The following IL1RAPL1 variants were observed in gnomAD, a reference collection of about 807,000 sequenced individuals.
The protein encoded by IL1RAPL1 is interleukin-1 receptor accessory protein-like 1.
IL1RAPL1 carries 3 observed loss-of-function variants against 48.4 expected under a neutral mutation model. That is an observed-to-expected ratio of 0.06 (90% confidence interval 0.03 to 0.16). The LOEUF is 0.16. Among genes scored for constraint, IL1RAPL1 ranks in the 10% least tolerant of loss-of-function variants. The pLI, the probability that IL1RAPL1 is intolerant of heterozygous loss-of-function variation, is 1.00. For missense variants in IL1RAPL1, 349 were observed against 530.6 expected (o/e 0.66, Z 3.36); for synonymous variants, 185 against 187.7 (o/e 0.99, Z 0.12).
At chrX:29,624,310 T>C (rs147046841) in intron 5 of IL1RAPL1, among the ~76,000 whole-genome samples, 2,433 of 111,880 alleles carry the variant, frequency 0.022, 64 homozygotes, top group African/African-American at 0.075. Flanking sequence ...AGGATTTCTT[T>C]CCTTATATGA....
chrX:29,238,243 C>T lies in IL1RAPL1; in HGVS notation c.83-44695C>T, dbSNP rs1414513224. Among the ~76,000 whole-genome samples, 3 of 111,754 alleles carry T rather than the reference C, an allele frequency of 2.7e-5. No individual in the cohort carries two copies. The East Asian group carries it at 8.4e-4, about 31-fold the overall frequency. ...TTCTTTCCTCTCTGTTAAGTGTTTCCTCATATGTGGGAGAAGGTAGATTAT... is the reference window on the plus strand; with the variant it reads ...TTCTTTCCTCTCTGTTAAGTGTTTCTTCATATGTGGGAGAAGGTAGATTAT... On this transcript the variant is annotated intron_variant, in intron 2 of 10. Coordinates refer to ENST00000378993, the MANE Select transcript of IL1RAPL1 (RefSeq NM_014271.4).
At chrX:28,919,411 C>G (rs1923564305) in intron 2 of IL1RAPL1, among the ~76,000 whole-genome samples, 1 of 109,973 alleles carries the variant, frequency 9.1e-6, no homozygotes, top group Admixed American at 9.7e-5. Context: ...AACATCATCT[C>G]CTCAAAAAGA....
Position 29,398,871 on chromosome X carries a change from T to C in IL1RAPL1, c.550-284T>C, listed in dbSNP as rs983276410. On this transcript the variant is annotated intron_variant, in intron 4 of 10. Coordinates refer to ENST00000378993, the MANE Select transcript of IL1RAPL1 (RefSeq NM_014271.4). ...AATCAGTACATATCTGGTTTAGATA[T>C]ACTAATCTTAGAAGTTAATTGACTT... is the stretch of plus-strand genomic sequence containing the variant. Among the ~76,000 whole-genome samples the C allele has an allele frequency of 3.6e-5, 4 of 112,085 alleles. No individual in the cohort carries two copies. In the Admixed American group the frequency reaches 3.8e-4, roughly 11 times the overall value.
intron 6 of IL1RAPL1, among the ~76,000 whole-genome samples, chrX:29,732,060 TA>T (rs765384603): frequency 3.6e-4 from 40 of 112,148 alleles, no homozygotes; most frequent in Non-Finnish European, 6.0e-4. Flanking sequence ...TTTATTTTTC[TA>T]AATTTGAGTA....
intron 2 of IL1RAPL1, among the ~76,000 whole-genome samples, chrX:28,877,932 ATC>A (rs973543572): frequency 3.6e-5 from 4 of 112,449 alleles, no homozygotes; most frequent in African/African-American, 9.7e-5. Context: ...ATGCTTATTC[ATC>A]TCTCTGTTTG....
At chrX:28,739,977 CT>C (rs111836261) in intron 1 of IL1RAPL1, among the ~76,000 whole-genome samples, 8,495 of 106,662 alleles carry the variant, frequency 0.08, 844 homozygotes, top group African/African-American at 0.27. Flanking sequence ...GGGACAGTGT[CT>C]TTTTTTTTTA....
chrX:29,121,377 C>T (rs1469876479), intron 2 of IL1RAPL1, among the ~76,000 whole-genome samples: 1 of 112,318 alleles, frequency 8.9e-6, no homozygotes, highest in East Asian at 2.8e-4. Flanking sequence ...ATATTTTTCA[C>T]TTATTGATGT....
chrX:29,355,434 A>G (rs757033753), intron 3 of IL1RAPL1, among the ~76,000 whole-genome samples: 29 of 112,118 alleles, frequency 2.6e-4, no homozygotes, highest in Non-Finnish European at 4.7e-4. Context: ...GCTTTATCAG[A>G]TATATTTTTC....
At chrX:29,711,102 T>A (rs1403593354) in intron 6 of IL1RAPL1, among the ~76,000 whole-genome samples, 1 of 39,154 alleles carries the variant, frequency 2.6e-5, no homozygotes, top group Non-Finnish European at 5.1e-5. Flanking sequence ...ATATATATTT[T>A]CCCATTATTT....
intron 2 of IL1RAPL1, among the ~76,000 whole-genome samples, chrX:29,001,829 G>A (rs998012429): frequency 5.5e-5 from 6 of 109,732 alleles, no homozygotes; most frequent in Non-Finnish European, 9.5e-5. Context: ...TTACCAAACT[G>A]AAGCAATTTA....
At position 29,562,157 on chromosome X, in the gene IL1RAPL1, T is replaced by G. The variant is rs189221986; in HGVS notation, c.704-106273T>G. On this transcript the variant is annotated intron_variant, in intron 5 of 10. Coordinates refer to ENST00000378993, the MANE Select transcript of IL1RAPL1 (RefSeq NM_014271.4). Reference sequence around the variant, plus strand: ...ATCTATCTATCTATCTATCTATCTATCTATCTATCTATCTATCTATCTAGT... The same window carrying G: ...ATCTATCTATCTATCTATCTATCTAGCTATCTATCTATCTATCTATCTAGT... Among the ~76,000 whole-genome samples, 888 of 100,095 alleles carry G rather than the reference T, an allele frequency of 8.9e-3. 9 individuals are homozygous for G. The highest frequency in any genetic ancestry group is 0.035 in the African/African-American group (840 of 23,911). 86.9% of individuals were successfully genotyped at this position (100,095 alleles called of 115,157 possible). A position where few individuals can be genotyped will look rare whatever the true frequency, so the allele number is the denominator to read the frequency against.
intron 5 of IL1RAPL1, among the ~76,000 whole-genome samples, chrX:29,623,451 T>C (rs757372084): frequency 8.9e-5 from 10 of 111,794 alleles, no homozygotes; most frequent in Non-Finnish European, 1.5e-4. Flanking sequence ...CATTCACACT[T>C]AGTATCCTAT....
At chrX:29,462,624 A>G (rs1373997026) in intron 5 of IL1RAPL1, among the ~76,000 whole-genome samples, 2 of 111,460 alleles carry the variant, frequency 1.8e-5, no homozygotes, top group African/African-American at 6.5e-5. Flanking sequence ...TTTGGTTGAC[A>G]GTTCCAGGCC....
chrX:28,610,668 C>G (rs1439502913), intron 1 of IL1RAPL1, among the ~76,000 whole-genome samples: 1 of 111,131 alleles, frequency 9.0e-6, no homozygotes, highest in Non-Finnish European at 1.9e-5. Context: ...AGTTCTGTAC[C>G]CTTGTTGCAT....
At chrX:29,030,112 A>G (rs1252474062) in intron 2 of IL1RAPL1, among the ~76,000 whole-genome samples, 2 of 108,995 alleles carry the variant, frequency 1.8e-5, no homozygotes, top group Admixed American at 9.8e-5. Flanking sequence ...CTATTTGTCT[A>G]TTTTTTTTCA....
intron 2 of IL1RAPL1, among the ~76,000 whole-genome samples, chrX:28,904,526 T>A (rs1282804528): frequency 2.7e-5 from 3 of 112,077 alleles, no homozygotes; most frequent in Non-Finnish European, 5.6e-5. Flanking sequence ...TAGAAAGGAG[T>A]GATAATTTAA....
At chrX:29,016,189 A>T (rs1367328920) in intron 2 of IL1RAPL1, among the ~76,000 whole-genome samples, 2 of 111,875 alleles carry the variant, frequency 1.8e-5, no homozygotes, top group South Asian at 7.4e-4. Context: ...ATACAGAATG[A>T]TAAAGCCTGC....
At chrX:28,880,719 A>G (rs1006322534) in intron 2 of IL1RAPL1, among the ~76,000 whole-genome samples, 3 of 111,483 alleles carry the variant, frequency 2.7e-5, no homozygotes, top group African/African-American at 9.8e-5. Flanking sequence ...GCATTGTCAC[A>G]TATAGCACAG....
intron 6 of IL1RAPL1, among the ~76,000 whole-genome samples, chrX:29,734,964 T>C (rs1289846526): frequency 8.9e-6 from 1 of 112,367 alleles, no homozygotes; most frequent in Admixed American, 9.4e-5. Flanking sequence ...GAATCATTTG[T>C]AGTGAATATT....
Sources: gnomAD v4.1 joint callset for allele counts (sites outside exome capture counted in the v4.1 genomes callset) on GRCh38, gnomAD v4.1.1 for gene constraint, MANE v1.5 for transcripts, NCBI Gene and HGNC (gene_info 2026-07-23, HGNC 2026-07-21) for gene names.